Variants in STXBP5L observed in about 807,000 individuals in gnomAD.
STXBP5L encodes the protein syntaxin binding protein 5L.
A neutral mutation model predicts 144.5 loss-of-function variants in STXBP5L; 65 were observed. The ratio of observed to expected loss-of-function variants is 0.45; its 90% CI spans 0.37 to 0.55. STXBP5L has a LOEUF of 0.55. Among genes scored for constraint, STXBP5L ranks in the 20% least tolerant of loss-of-function variants. The pLI is 0.00. For synonymous variants in STXBP5L, 505 were observed against 469.6 expected (o/e 1.08, Z -0.97); for missense variants, 1,298 against 1,405.5 (o/e 0.92, Z 1.22).
chr3:121,108,104 G>A (rs2043801059), intron 5 of STXBP5L, among the ~76,000 whole-genome samples: 1 of 152,156 alleles, frequency 6.6e-6, no homozygotes, highest in Admixed American at 6.5e-5. Context: ...AGCTTAAGAA[G>A]CTTTTAGGCT....
chr3:120,992,528 A>G lies in STXBP5L; in HGVS notation c.287+37491A>G, dbSNP rs569811768. 5.9e-5 allele frequency among the ~76,000 whole-genome samples: 9 copies of G among 152,168 alleles called. No individual in the cohort carries two copies. In the South Asian group the frequency reaches 1.5e-3, roughly 25 times the overall value. On this transcript the variant is annotated intron_variant, in intron 3 of 26. Transcript: ENST00000471454. ...ATGAGATCAATTTTTTTTATCTACT[A>G]CATATGAGTGAGAATATGTGATGTT...
chr3:121,234,192 A>G (rs1442913540), intron 12 of STXBP5L, among the ~76,000 whole-genome samples: 1 of 152,096 alleles, frequency 6.6e-6, no homozygotes, highest in East Asian at 1.9e-4. Context: ...ACTCCTTTAC[A>G]TTGTCAGTAA....
chr3:120,958,765 A>G (rs1938355257), intron 3 of STXBP5L, among the ~76,000 whole-genome samples: 1 of 152,220 alleles, frequency 6.6e-6, no homozygotes, highest in Admixed American at 6.5e-5. Flanking sequence ...CTAAATAATA[A>G]GAGCTATCTA....
intron 14 of STXBP5L, among the ~76,000 whole-genome samples, chr3:121,241,657 A>G (rs761418292): frequency 6.6e-6 from 1 of 152,100 alleles, no homozygotes; most frequent in Non-Finnish European, 1.5e-5. Flanking sequence ...AGTAGCTACC[A>G]CTCCCTATCC....
intron 5 of STXBP5L, among the ~76,000 whole-genome samples, chr3:121,111,270 G>T (rs181536411): frequency 6.6e-6 from 1 of 152,286 alleles, no homozygotes; most frequent in South Asian, 2.1e-4. Context: ...GCCCAGTTCT[G>T]TGCCCTTGCC....
chr3:121,328,722 C>T (rs1302114985), intron 20 of STXBP5L, among the ~76,000 whole-genome samples: 1 of 151,940 alleles, frequency 6.6e-6, no homozygotes. Context: ...TGCACTCCAG[C>T]ATGGGTGCTA....
chr3:121,140,871 AAT>A (rs2045469796), intron 7 of STXBP5L, among the ~76,000 whole-genome samples: 1 of 152,182 alleles, frequency 6.6e-6, no homozygotes, highest in Non-Finnish European at 1.5e-5. Flanking sequence ...ACTGTTGAAA[AAT>A]ATAGAGTGTA....
At chr3:121,004,310 C>T (rs1312993156) in intron 3 of STXBP5L, among the ~76,000 whole-genome samples, 1 of 151,520 alleles carries the variant, frequency 6.6e-6, no homozygotes, top group African/African-American at 2.4e-5. Flanking sequence ...CTCTTTGAAG[C>T]AATTGTGAAT....
At chr3:121,137,205 G>C (rs2045297852) in intron 7 of STXBP5L, among the ~76,000 whole-genome samples, 1 of 151,752 alleles carries the variant, frequency 6.6e-6, no homozygotes, top group African/African-American at 2.4e-5. Flanking sequence ...TACCAAACCT[G>C]CACACGTACC....
chr3:121,124,892 G>T (rs1433567009), intron 7 of STXBP5L, among the ~76,000 whole-genome samples: 1 of 151,970 alleles, frequency 6.6e-6, no homozygotes, highest in Non-Finnish European at 1.5e-5. Flanking sequence ...GTTGTTGCAG[G>T]TCCTTGATTG....
intron 10 of STXBP5L, among the ~76,000 whole-genome samples, chr3:121,222,218 T>C (rs1282909505): frequency 1.3e-5 from 2 of 152,074 alleles, no homozygotes; most frequent in Non-Finnish European, 2.9e-5. Context: ...TAAGTATTGA[T>C]TTGAGAAATG....
chr3:120,978,875 G>A (rs1006324275), intron 3 of STXBP5L, among the ~76,000 whole-genome samples: 4 of 152,166 alleles, frequency 2.6e-5, no homozygotes, highest in Non-Finnish European at 5.9e-5. Context: ...CGTGAACCGC[G>A]AATGCTGCTG....
At chr3:121,180,880 AAAAAG>A (rs1023433313) in intron 9 of STXBP5L, among the ~76,000 whole-genome samples, 1 of 148,474 alleles carries the variant, frequency 6.7e-6, no homozygotes, top group Non-Finnish European at 1.5e-5. Flanking sequence ...ACTTGAAAAG[AAAAAG>A]AAGAGAAGAC....
At position 121,208,185 on chromosome 3, in the gene STXBP5L, G is replaced by T. The variant is rs532185032; in HGVS notation, c.956+2184G>T. On this transcript the variant is annotated intron_variant, in intron 10 of 26. Coordinates refer to ENST00000471454, the MANE Select transcript of STXBP5L (RefSeq NM_001308330.2). ...AGGATGAGTTCATGTCCTTTGTAGG[G>T]ACATGGATGAAGCTGGAAACCATCA... is the stretch of plus-strand genomic sequence containing the variant. Among the ~76,000 whole-genome samples the T allele has an allele frequency of 2.0e-5, 3 of 152,190 alleles. No individual in the cohort carries two copies. The East Asian group carries it at 5.8e-4, about 29-fold the overall frequency.
intron 20 of STXBP5L, among the ~76,000 whole-genome samples, chr3:121,350,323 G>T (rs372234006): frequency 6.6e-6 from 1 of 152,186 alleles, no homozygotes. Flanking sequence ...TGTGCTGAGA[G>T]ATCAGCTGTT....
chr3:121,400,656 T>A (rs565296425), intron 22 of STXBP5L, among the ~76,000 whole-genome samples: 1 of 152,172 alleles, frequency 6.6e-6, no homozygotes, highest in Non-Finnish European at 1.5e-5. Flanking sequence ...TCTGCAGTCA[T>A]CTTGCAAGCA....
At chr3:121,416,804 C>T (rs1278469119) in intron 25 of STXBP5L, among the ~76,000 whole-genome samples, 1 of 152,096 alleles carries the variant, frequency 6.6e-6, no homozygotes, top group Non-Finnish European at 1.5e-5. Flanking sequence ...CACACCCAGC[C>T]TCACTGGTAG....
chr3:121,041,136 G>T, intron 3 of STXBP5L, among the ~76,000 whole-genome samples: 1 of 149,730 alleles, frequency 6.7e-6, no homozygotes, highest in Non-Finnish European at 1.5e-5. Context: ...AGCATATGTA[G>T]ATGACTTGTT....
intron 5 of STXBP5L, among the ~76,000 whole-genome samples, chr3:121,054,162 C>A (rs1331180265): frequency 6.6e-6 from 1 of 152,136 alleles, no homozygotes; most frequent in Non-Finnish European, 1.5e-5. Flanking sequence ...TCTAGTTCAA[C>A]CATTGTGGAA....
Sources: allele counts gnomAD v4.1 joint callset (sites outside exome capture counted in the v4.1 genomes callset), GRCh38; gene constraint gnomAD v4.1.1; transcripts MANE v1.5; gene names NCBI Gene and HGNC (gene_info 2026-07-23, HGNC 2026-07-21).